The following FAM241A variants were observed in gnomAD, a reference collection of about 807,000 sequenced individuals.
FAM241A encodes uncharacterized protein FAM241A.
Under a neutral mutation model 12.2 loss-of-function variants are expected in FAM241A, and 7 were observed. That is an observed-to-expected ratio of 0.58 (90% CI 0.33 to 1.08). FAM241A has a LOEUF of 1.08. Among genes scored for constraint, FAM241A ranks in the 50% least tolerant of loss-of-function variants. The pLI, the probability that FAM241A is intolerant of heterozygous loss-of-function variation, is 0.04. For synonymous variants in FAM241A, 74 were observed against 68.2 expected (o/e 1.08, Z -0.42); for missense variants, 161 against 169.7 (o/e 0.95, Z 0.29).
rs562089824 is a variant in FAM241A at position 112,146,007 on chromosome 4, G to C, written c.153+274G>C. ...GGTTCGTCCCCTGGCGTCCGGCAGA[G>C]GATTCTCAGGCTGGCGCCCAGGGCT... On this transcript the variant is annotated intron_variant, in intron 1 of 1. Transcript: ENST00000309733. Among the ~76,000 whole-genome samples the C allele has an allele frequency of 1.1e-4, 17 of 152,274 alleles. 1 individual carries two copies. In the East Asian group the frequency reaches 3.3e-3, roughly 29 times the overall value.
intron 1 of FAM241A, chr4:112,171,274 C>A: frequency 1.3e-6 from 1 of 753,164 alleles, no homozygotes; most frequent in Non-Finnish European, 2.4e-6. Context: ...AAGCACCAAC[C>A]CCACAAAATG....
In FAM241A at chr4:112,157,224, G is replaced by A. The variant is rs567621775; in HGVS notation, c.153+11491G>A. The stretch of plus-strand genomic sequence containing the variant: ...ATTTATGGAGAAGATATGTTGAAAC[G>A]GATTTCAAAACTGGCTTTTTCCACA... On this transcript the variant is annotated intron_variant, in intron 1 of 1. Transcript: ENST00000309733. Among the ~76,000 whole-genome samples the A allele has an allele frequency of 3.3e-5, 5 of 152,188 alleles. No homozygotes were observed. In the South Asian group the frequency reaches 6.2e-4, roughly 19 times the overall value.
chr4:112,173,529 A>G (rs777042624), intron 1 of FAM241A, among the ~76,000 whole-genome samples: 3 of 152,172 alleles, frequency 2.0e-5, no homozygotes, highest in Non-Finnish European at 4.4e-5. Flanking sequence ...CCACTTAATG[A>G]TATGTGTGAA....
At position 112,170,146 on chromosome 4, in the gene FAM241A, A is replaced by T. The variant is rs115888185; in HGVS notation, c.154-16547A>T. Among the ~76,000 whole-genome samples, 692 of 152,296 alleles carry T rather than the reference A, an allele frequency of 4.5e-3. 8 individuals are homozygous for T. The highest frequency in any genetic ancestry group is 0.016 in the African/African-American group (648 of 41,562). ...GTTTCTCTATAACTAAATTTAGTTTAAAATTAAGTTATCTATAAAGGCAGC... is the reference window on the plus strand; with the variant it reads ...GTTTCTCTATAACTAAATTTAGTTTTAAATTAAGTTATCTATAAAGGCAGC... On this transcript the variant is annotated intron_variant, in intron 1 of 1. Coordinates refer to ENST00000309733, the MANE Select transcript of FAM241A (RefSeq NM_152400.3).
chr4:112,169,971 G>A (rs562074026), intron 1 of FAM241A, among the ~76,000 whole-genome samples: 14 of 152,202 alleles, frequency 9.2e-5, no homozygotes, highest in Admixed American at 2.6e-4. Context: ...TTTTCAAAAA[G>A]CCTTTTTTTG....
chr4:112,164,120 G>C (rs566452930), intron 1 of FAM241A, among the ~76,000 whole-genome samples: 3 of 151,450 alleles, frequency 2.0e-5, no homozygotes, highest in South Asian at 2.1e-4. Flanking sequence ...GTTGTGGGGT[G>C]GGGGGAAGGG....
intron 1 of FAM241A, among the ~76,000 whole-genome samples, chr4:112,165,915 T>C (rs1457214571): frequency 6.6e-6 from 1 of 152,206 alleles, no homozygotes; most frequent in Non-Finnish European, 1.5e-5. Flanking sequence ...ATAATTGGAT[T>C]GTTTGTAACA....
intron 1 of FAM241A, among the ~76,000 whole-genome samples, chr4:112,162,480 A>T (rs375427814): frequency 6.6e-6 from 1 of 152,250 alleles, no homozygotes; most frequent in Non-Finnish European, 1.5e-5. Flanking sequence ...TACAAAATCA[A>T]TGTGCAAAAA....
rs749433746 is a variant in FAM241A, at chr4:112,186,760, T to C, written c.221T>C (p.Leu74Pro). Residue 74 changes from leucine to proline, a missense_variant, in exon 2 of 2, where the codon CTT becomes CCT. Physicochemically the swap from Leu to Pro is moderately conservative, Grantham distance 98. Transcript: ENST00000309733. ...VGDDYKKMGT[L>P]FGELNKNLIN... ...GATGACTACAAGAAAATGGGAACAC[T>C]TTTTGGTGAACTGAACAAAAACCTT... 1.9e-6 allele frequency: 3 copies of C among 1,613,958 alleles called. No individual in the cohort carries two copies. The highest frequency in any genetic ancestry group is 2.5e-6 in the Non-Finnish European group (3 of 1,179,942).
Position 112,186,704 on chromosome 4 carries a change from C to T in FAM241A, c.165C>T (p.Asp55=). The change falls in exon 2 of 2, where the codon GAC becomes GAT. Residue 55 remains aspartate (D), a synonymous_variant. Coordinates refer to ENST00000309733, the MANE Select transcript of FAM241A (RefSeq NM_152400.3). The part of the protein sequence containing the change: ...RPKESEQDVE[D]SQNHTGEPVG... ...TTTTTTTTTTAAAGGATGTTGAAGA[C>T]TCACAGAACCACACTGGTGAGCCGG... is the stretch of plus-strand genomic sequence containing the variant. 7 of 1,603,210 alleles carry T rather than the reference C, an allele frequency of 4.4e-6. No homozygotes were observed. The highest frequency in any genetic ancestry group is 6.0e-6 in the Non-Finnish European group (7 of 1,173,716).
intron 1 of FAM241A, among the ~76,000 whole-genome samples, chr4:112,153,851 ATACT>A (rs1723298062): frequency 1.3e-5 from 2 of 152,372 alleles, no homozygotes; most frequent in East Asian, 1.9e-4. Flanking sequence ...ATTATCATTA[ATACT>A]TAATATCTAA....
intron 1 of FAM241A, among the ~76,000 whole-genome samples, chr4:112,178,932 T>C (rs1448218550): frequency 6.6e-6 from 1 of 152,158 alleles, no homozygotes; most frequent in Non-Finnish European, 1.5e-5. Context: ...AGATACCATC[T>C]CATACTAGAC....
chr4:112,174,708 A>C (rs992900957), intron 1 of FAM241A, among the ~76,000 whole-genome samples: 4 of 152,214 alleles, frequency 2.6e-5, no homozygotes, highest in African/African-American at 9.7e-5. Context: ...AGCAGGGCTC[A>C]TGTGCTAGGC....
At chr4:112,156,734 A>C (rs908969121) in intron 1 of FAM241A, among the ~76,000 whole-genome samples, 5 of 152,222 alleles carry the variant, frequency 3.3e-5, no homozygotes, top group Non-Finnish European at 7.4e-5. Flanking sequence ...ATGTCTTCTT[A>C]TCAGAATCAA....
At chr4:112,168,866 T>A (rs1305702453) in intron 1 of FAM241A, among the ~76,000 whole-genome samples, 1 of 152,150 alleles carries the variant, frequency 6.6e-6, no homozygotes, top group East Asian at 1.9e-4. Context: ...AGTTTCAGCA[T>A]GTTGGTCAGG....
Position 112,160,839 on chromosome 4 carries a change from A to G in FAM241A, c.153+15106A>G, listed in dbSNP as rs192378174. Reference sequence around the variant, plus strand: ...TCTCTTCAATAAATGATGCTGTGGGAAAAACTGGATATCCATATGCAGAAG... The same window carrying G: ...TCTCTTCAATAAATGATGCTGTGGGGAAAACTGGATATCCATATGCAGAAG... On this transcript the variant is annotated intron_variant, in intron 1 of 1. Coordinates refer to ENST00000309733, the MANE Select transcript of FAM241A (RefSeq NM_152400.3). Among the ~76,000 whole-genome samples, 658 of 152,344 alleles carry G rather than the reference A, an allele frequency of 4.3e-3. 4 individuals are homozygous for G. Among genetic ancestry groups the G allele is most frequent in the Non-Finnish European group, 7.6e-3 (514 of 68,024 alleles).
chr4:112,174,195 G>A (rs977720906), intron 1 of FAM241A, among the ~76,000 whole-genome samples: 2 of 152,132 alleles, frequency 1.3e-5, no homozygotes, highest in South Asian at 2.1e-4. Flanking sequence ...TCCAGAACAC[G>A]GAGGCCCACC....
At chr4:112,179,918 T>C (rs867257066) in intron 1 of FAM241A, among the ~76,000 whole-genome samples, 1,576 of 123,046 alleles carry the variant, frequency 0.013, 82 homozygotes, top group African/African-American at 0.044. Context: ...AAATGTGATA[T>C]ATATATATAT....
intron 1 of FAM241A, among the ~76,000 whole-genome samples, chr4:112,175,652 T>C (rs1578377425): frequency 6.6e-6 from 1 of 151,606 alleles, no homozygotes; most frequent in African/African-American, 2.4e-5. Context: ...CCTGTAATCC[T>C]AGCTACTCAG....
Sources: gnomAD v4.1 joint callset for allele counts (sites outside exome capture counted in the v4.1 genomes callset) on GRCh38, gnomAD v4.1.1 for gene constraint, MANE v1.5 for transcripts, NCBI Gene and HGNC (gene_info 2026-07-23, HGNC 2026-07-21) for gene names.